The following FBLN5 variants were observed in gnomAD, a reference collection of about 807,000 sequenced individuals.
FBLN5 encodes the protein fibulin-5.
Under a neutral mutation model 61.6 loss-of-function variants are expected in FBLN5, and 24 were observed. That is an observed-to-expected ratio of 0.39 (90% CI 0.28 to 0.55). FBLN5 has a LOEUF of 0.55. FBLN5 is among the 20% of genes least tolerant of loss of function. The probability of loss-of-function intolerance (pLI) is 0.65; values close to 1 mark genes in which losing one functional copy is unlikely to be tolerated. For synonymous variants in FBLN5, 213 were observed against 219.8 expected, an observed-to-expected ratio of 0.97 and a Z score of 0.27; for missense variants, 470 against 594.1, an observed-to-expected ratio of 0.79 and a Z score of 2.17.
At position 91,907,603 on chromosome 14, in the gene FBLN5, G is replaced by A. The variant is rs1043114960; in HGVS notation, c.380-12531C>T. Among the ~76,000 whole-genome samples, 5 of 152,082 alleles carry A rather than the reference G, an allele frequency of 3.3e-5. No individual in the cohort carries two copies. The East Asian group carries it at 9.6e-4, about 29-fold the overall frequency. On this transcript the variant is annotated intron_variant, in intron 4 of 10. Transcript: ENST00000342058. ...GGAGTGCACAGTGAGAGCTGGGCTG[G>A]GGGTGGAGGATGAGATGGGAGCCCA...
intron 9 of FBLN5, 148 bp downstream of exon 9, chr14:91,881,144 C>T (rs1289831620): frequency 2.6e-6 from 2 of 758,874 alleles, no homozygotes; most frequent in Admixed American, 4.0e-5. Context: ...CACACACACA[C>T]ACACACACAC....
intron 4 of FBLN5, among the ~76,000 whole-genome samples, chr14:91,901,701 G>A (rs763641542): frequency 3.1e-4 from 47 of 152,274 alleles, no homozygotes; most frequent in Non-Finnish European, 5.0e-4. Flanking sequence ...CGAATTCCTA[G>A]GGCATCTGCA....
At chr14:91,910,622 G>A (rs955596975) in intron 4 of FBLN5, among the ~76,000 whole-genome samples, 1 of 152,042 alleles carries the variant, frequency 6.6e-6, no homozygotes, top group Non-Finnish European at 1.5e-5. Flanking sequence ...AGAAATAATC[G>A]ATCTGTGATC....
intron 7 of FBLN5, 140 bp from the exon 8 acceptor site, chr14:91,883,216 C>T (rs571185924): frequency 4.6e-5 from 42 of 903,876 alleles, no homozygotes; most frequent in South Asian, 3.3e-4. Flanking sequence ...TTCACTTCTC[C>T]AGCACTTCTA....
At chr14:91,878,632 GTGCCTTCAA>G (rs1889282819) in intron 9 of FBLN5, among the ~76,000 whole-genome samples, 1 of 152,200 alleles carries the variant, frequency 6.6e-6, no homozygotes, top group Admixed American at 6.5e-5. Context: ...ACCATCTCCA[GTGCCTTCAA>G]TGCACTCTTG....
chr14:91,926,342 G>A (rs1356711106), intron 4 of FBLN5, among the ~76,000 whole-genome samples: 1 of 152,174 alleles, frequency 6.6e-6, no homozygotes, highest in Non-Finnish European at 1.5e-5. Context: ...TCTGATGACG[G>A]GTCAGCCCAG....
At chr14:91,890,357 C>T (rs1005276916) in intron 6 of FBLN5, among the ~76,000 whole-genome samples, 1 of 152,200 alleles carries the variant, frequency 6.6e-6, no homozygotes, top group African/African-American at 2.4e-5. Context: ...GAAATGGGCC[C>T]TGCAAAGCCT....
At chr14:91,944,330 A>G (rs10144473) in intron 1 of FBLN5, among the ~76,000 whole-genome samples, 2,099 of 152,366 alleles carry the variant, frequency 0.014, 52 homozygotes, top group African/African-American at 0.047. Context: ...GAGGATGTGG[A>G]GAAAGTGAAA....
chr14:91,910,546 A>C (rs1018062068), intron 4 of FBLN5, among the ~76,000 whole-genome samples: 63 of 152,340 alleles, frequency 4.1e-4, no homozygotes, highest in African/African-American at 1.4e-3. Context: ...AAAAGTGAAT[A>C]TCTGTAAATC....
intron 4 of FBLN5, among the ~76,000 whole-genome samples, chr14:91,919,378 A>AAGG (rs762859114): frequency 1.8e-3 from 114 of 62,278 alleles, no homozygotes; most frequent in Non-Finnish European, 3.1e-3. Flanking sequence ...AAAGAAAAGA[A>AAGG]AAGAAAGAAA....
chr14:91,946,841 G>A lies in FBLN5; in HGVS notation c.17+372C>T, dbSNP rs1053503592. 12 of 1,521,048 alleles carry A rather than the reference G, an allele frequency of 7.9e-6. No homozygotes were observed. The African/African-American group carries it at 1.4e-4, about 18-fold the overall frequency. 94.2% of individuals were successfully genotyped at this position (1,521,048 alleles called of 1,614,324 possible). ...CTGCTTGTCTATCAGCCGATGCGGC[G>A]CAGTAATTGCTAGTGAACTAGTAAT... On this transcript the variant is annotated intron_variant, in intron 1 of 10. Transcript: ENST00000342058.
At chr14:91,899,156 G>A (rs1169114024) in intron 4 of FBLN5, among the ~76,000 whole-genome samples, 2 of 151,856 alleles carry the variant, frequency 1.3e-5, no homozygotes, top group Admixed American at 1.3e-4. Flanking sequence ...GTGTGTGTGT[G>A]TGTGTGTCCT....
At chr14:91,929,354 T>A (rs549551373) in intron 4 of FBLN5, among the ~76,000 whole-genome samples, 4 of 152,298 alleles carry the variant, frequency 2.6e-5, no homozygotes, top group African/African-American at 9.6e-5. Flanking sequence ...TGGACAGTAA[T>A]GCTAAATCTC....
At chr14:91,939,688 C>T (rs10148084) in intron 3 of FBLN5, among the ~76,000 whole-genome samples, 1,791 of 152,310 alleles carry the variant, frequency 0.012, 28 homozygotes, top group African/African-American at 0.04. Context: ...ACTTTCTCCT[C>T]TTCTTTTGCA....
At chr14:91,886,313 GAAAA>G (rs1889722867) in intron 7 of FBLN5, among the ~76,000 whole-genome samples, 2 of 152,184 alleles carry the variant, frequency 1.3e-5, no homozygotes, top group Non-Finnish European at 2.9e-5. Flanking sequence ...GGCAAGAAAG[GAAAA>G]GAGAGAGAAA....
At chr14:91,942,328 C>T (rs937955656) in intron 2 of FBLN5, 15 of 361,460 alleles carry the variant, frequency 4.1e-5, no homozygotes, top group Non-Finnish European at 6.6e-5. Context: ...TGCAACACTA[C>T]ATGCTGGGAT....
chr14:91,888,600 C>A (rs1422261626), intron 6 of FBLN5, among the ~76,000 whole-genome samples: 3 of 132,826 alleles, frequency 2.3e-5, no homozygotes, highest in Non-Finnish European at 3.2e-5. Context: ...CAGAGCTAGA[C>A]TCTGTCTCAA....
intron 4 of FBLN5, among the ~76,000 whole-genome samples, chr14:91,933,847 C>T (rs562756596): frequency 6.6e-6 from 1 of 152,222 alleles, no homozygotes; most frequent in East Asian, 1.9e-4. Context: ...CCACGGCTCA[C>T]ACCTATAATC....
chr14:91,937,600 T>C (rs2056040893), intron 3 of FBLN5, among the ~76,000 whole-genome samples: 2 of 152,124 alleles, frequency 1.3e-5, no homozygotes, highest in South Asian at 2.1e-4. Flanking sequence ...ATGGGTTATC[T>C]TGGAAATGAA....
Sources: allele counts gnomAD v4.1 joint callset (sites outside exome capture counted in the v4.1 genomes callset), GRCh38; gene constraint gnomAD v4.1.1; transcripts MANE v1.5; gene names NCBI Gene and HGNC (gene_info 2026-07-23, HGNC 2026-07-21).